The following ANK1 variants were observed in gnomAD, a reference collection of about 807,000 sequenced individuals.
ANK1 encodes ankyrin 1, also known as ankyrin-1.
A neutral mutation model predicts 210.4 loss-of-function variants in ANK1; 51 were observed. That is an observed-to-expected ratio of 0.24 (90% confidence interval 0.19 to 0.31). ANK1 has a LOEUF of 0.31. Among genes scored for constraint, ANK1 ranks in the 10% least tolerant of loss-of-function variants. The pLI, the probability that ANK1 is intolerant of heterozygous loss-of-function variation, is 1.00. For synonymous variants in ANK1, 967 were observed against 1,025.9 expected (o/e 0.94, Z 1.10); for missense variants, 2,051 against 2,504.4 (o/e 0.82, Z 3.86).
chr8:41,690,443 A>T (rs748831908), intron 32 of ANK1, 31 bp downstream of exon 32: 1 of 1,614,196 alleles, frequency 6.2e-7, no homozygotes. Context: ...TTCTAGACCC[A>T]GAGGAGAACT....
At chr8:41,697,575 C>T (rs1021711402) in intron 24 of ANK1, among the ~76,000 whole-genome samples, 3 of 152,048 alleles carry the variant, frequency 2.0e-5, no homozygotes, top group African/African-American at 4.8e-5. Flanking sequence ...CGCTCTCCCT[C>T]CTGGTTCTGT....
rs756933506 is a variant in ANK1, at chr8:41,668,494, C to T, written c.5167G>A (p.Glu1723Lys). ...LQDAAQGSWQEEVTQGPHSFQ... is the reference protein window; with the variant it reads ...LQDAAQGSWQKEVTQGPHSFQ... ...GAGTGTGGACCTTGCGTGACCTCCT[C>T]TTGCCAGGAACCTTGTGCAGCATCT... is the stretch of plus-strand genomic sequence containing the variant. The change falls in exon 39 of 43, where the codon GAG (glutamate) becomes AAG (lysine). Residue 1723 changes from glutamate (E) to lysine (K), a missense_variant. Coordinates refer to ENST00000289734, the MANE Select transcript of ANK1 (RefSeq NM_000037.4). 1.2e-6 allele frequency: 2 copies of T among 1,614,244 alleles called. No homozygotes were observed. The highest frequency in any genetic ancestry group is 2.2e-5 in the South Asian group (2 of 91,082).
chr8:41,717,144 G>T, intron 12 of ANK1, 93 bp from the exon 13 acceptor site: 1 of 1,387,164 alleles, frequency 7.2e-7, no homozygotes, highest in Admixed American at 1.8e-5. Flanking sequence ...GAGTGGCTTG[G>T]TGGGTTTTTG....
At chr8:41,881,381 A>G (rs1817559826) in intron 1 of ANK1, among the ~76,000 whole-genome samples, 1 of 152,204 alleles carries the variant, frequency 6.6e-6, no homozygotes, top group Non-Finnish European at 1.5e-5. Context: ...TGGTATGTAC[A>G]GATCTATGTC....
chr8:41,725,235 C>G (rs1675913129), intron 6 of ANK1, among the ~76,000 whole-genome samples: 1 of 152,186 alleles, frequency 6.6e-6, no homozygotes, highest in African/African-American at 2.4e-5. Context: ...GGGCGGGGTG[C>G]AGGAGGGGAC....
chr8:41,661,487 G>C lies in ANK1; in HGVS notation c.5622C>G (p.Ser1874Arg), dbSNP rs1240986387. Reference sequence around the variant, plus strand: ...GGGGTCACTGTTTCCCCCTTTTCAGGCTGGCCCGCTTCACTATCTGCGCCC... The same window carrying C: ...GGGGTCACTGTTTCCCCCTTTTCAGCCTGGCCCGCTTCACTATCTGCGCCC... The part of the protein sequence containing the change: ...RKGAQIVKRA[S>R]LKRGKQ The change falls in exon 42 of 43, where the codon AGC becomes AGG. Residue 1874 changes from serine to arginine, a missense_variant. Physicochemically the swap from Ser to Arg is moderately radical, Grantham distance 110. This residue lies in a region of ANK1 where 496 missense variants were observed against 533.4 expected (regional missense o/e 0.93). Transcript: ENST00000289734. The C allele has an allele frequency of 6.2e-7, 1 of 1,614,006 alleles. No individual in the cohort carries two copies. The highest frequency in any genetic ancestry group is 1.3e-5 in the African/African-American group (1 of 75,044).
chr8:41,887,994 G>A (rs1035096765), intron 1 of ANK1, among the ~76,000 whole-genome samples: 2 of 152,210 alleles, frequency 1.3e-5, no homozygotes, highest in Non-Finnish European at 2.9e-5. Context: ...CTGTCAGCTT[G>A]GTCATGTGTG....
intron 1 of ANK1, among the ~76,000 whole-genome samples, chr8:41,887,272 A>G (rs1390826224): frequency 3.0e-5 from 3 of 99,972 alleles, no homozygotes; most frequent in Non-Finnish European, 5.3e-5. Flanking sequence ...TTTTAGAGAC[A>G]GAGTCTCATT....
intron 35 of ANK1, 54 bp from the exon 36 acceptor site, chr8:41,686,337 G>T: frequency 6.2e-7 from 1 of 1,610,932 alleles, no homozygotes; most frequent in Non-Finnish European, 8.5e-7. Context: ...CAACAGCAGG[G>T]GGCCTCCAGC....
intron 41 of ANK1, 64 bp from the exon 42 acceptor site, chr8:41,661,628 A>T: frequency 6.2e-7 from 1 of 1,609,986 alleles, no homozygotes; most frequent in South Asian, 1.1e-5. Flanking sequence ...CACAGGCAGA[A>T]GATCGAAAGG....
intron 5 of ANK1, among the ~76,000 whole-genome samples, chr8:41,726,372 A>G (rs557789834): frequency 1.3e-5 from 2 of 152,192 alleles, no homozygotes; most frequent in South Asian, 2.1e-4. Flanking sequence ...TGATAATTCA[A>G]TTGTGAGCTA....
intron 1 of ANK1, among the ~76,000 whole-genome samples, chr8:41,884,469 C>T (rs551205588): frequency 6.6e-6 from 1 of 152,330 alleles, no homozygotes; most frequent in African/African-American, 2.4e-5. Context: ...CAGCGTCCCT[C>T]AGGACAGGCA....
At chr8:41,867,997 T>C (rs187468877) in intron 1 of ANK1, among the ~76,000 whole-genome samples, 80 of 152,234 alleles carry the variant, frequency 5.3e-4, no homozygotes, top group African/African-American at 1.9e-3. Flanking sequence ...GTAGCTGGGA[T>C]TACAGGCGCC....
intron 26 of ANK1, among the ~76,000 whole-genome samples, 177 bp from the exon 27 acceptor site, chr8:41,695,508 C>T (rs1389528245): frequency 2.0e-5 from 3 of 152,180 alleles, no homozygotes; most frequent in African/African-American, 7.2e-5. Context: ...TTCCCCAGGG[C>T]TTCCCATGGC....
intron 1 of ANK1, among the ~76,000 whole-genome samples, chr8:41,864,167 A>G (rs1813837712): frequency 6.6e-6 from 1 of 150,608 alleles, no homozygotes; most frequent in Admixed American, 6.7e-5. Flanking sequence ...GAAGAATGGC[A>G]TGAACCTGGG....
chr8:41,729,893 G>A (rs1022658657), intron 3 of ANK1, among the ~76,000 whole-genome samples: 5 of 152,136 alleles, frequency 3.3e-5, no homozygotes, highest in Non-Finnish European at 5.9e-5. Context: ...GGGCAGGGGC[G>A]GGCAGCCTCC....
intron 23 of ANK1, among the ~76,000 whole-genome samples, 180 bp from the exon 24 acceptor site, chr8:41,698,301 A>C (rs1413893465): frequency 6.6e-6 from 1 of 152,156 alleles, no homozygotes; most frequent in Non-Finnish European, 1.5e-5. Flanking sequence ...TCCAACCTGC[A>C]CTTGTCGCCC....
intron 1 of ANK1, among the ~76,000 whole-genome samples, chr8:41,795,248 C>A (rs1848537015): frequency 6.6e-6 from 1 of 152,172 alleles, no homozygotes; most frequent in African/African-American, 2.4e-5. Flanking sequence ...CGCAGCGGCT[C>A]ACGCCTGTAA....
intron 34 of ANK1, 114 bp from the exon 35 acceptor site, chr8:41,688,344 ACT>A: frequency 9.0e-6 from 13 of 1,439,406 alleles, no homozygotes; most frequent in Non-Finnish European, 1.2e-5. Flanking sequence ...GATTGTCTAG[ACT>A]CTCTGCAAGA....
Sources: gnomAD v4.1 joint callset for allele counts (sites outside exome capture counted in the v4.1 genomes callset) on GRCh38, gnomAD v4.1.1 for gene constraint, gnomAD v4.1.1 regional missense constraint, MANE v1.5 for transcripts, NCBI Gene and HGNC (gene_info 2026-07-23, HGNC 2026-07-21) for gene names.